The following DCBLD2 variants were observed in gnomAD, a reference collection of about 807,000 sequenced individuals.
The protein encoded by DCBLD2 is discoidin, CUB and LCCL domain containing 2, also known as discoidin, CUB and LCCL domain-containing protein 2.
A neutral mutation model predicts 86.8 loss-of-function variants in DCBLD2; 54 were observed. The observed-to-expected ratio is 0.62, with a 90% confidence interval of 0.50 to 0.78. DCBLD2 has a LOEUF of 0.78. Ranked by LOEUF, DCBLD2 falls within the 30% of genes least tolerant of loss-of-function variation. DCBLD2 has a pLI of 0.00. For synonymous variants in DCBLD2, 354 were observed against 341.3 expected, an observed-to-expected ratio of 1.04 and a Z score of -0.41; for missense variants, 908 against 954.2, an observed-to-expected ratio of 0.95 and a Z score of 0.64.
chr3:98,877,373 A>C (rs190892400), intron 2 of DCBLD2, among the ~76,000 whole-genome samples: 2 of 152,306 alleles, frequency 1.3e-5, no homozygotes, highest in Admixed American at 1.3e-4. Context: ...TTTCAGTTCG[A>C]GTCATGGGTT....
In DCBLD2 at chr3:98,865,794, TG is replaced by T. The variant is rs543252223; in HGVS notation, c.433+15745del. ...TGACATATGTATACATGTGACACGC[TG>T]GTGTGCTGCACCCATTAACTCGTCA... On this transcript the variant is annotated intron_variant, in intron 2 of 15. Coordinates refer to ENST00000326840, the MANE Select transcript of DCBLD2 (RefSeq NM_080927.4). 3.1e-3 allele frequency among the ~76,000 whole-genome samples: 470 copies of T among 152,282 alleles called. 2 individuals are homozygous for T. Among genetic ancestry groups the T allele is most frequent in the Non-Finnish European group, 5.1e-3 (347 of 68,016 alleles).
At chr3:98,838,330 C>T (rs1423489534) in intron 3 of DCBLD2, among the ~76,000 whole-genome samples, 1,840 of 64,662 alleles carry the variant, frequency 0.028, no homozygotes, top group East Asian at 0.1. Context: ...ACTTCTCAGA[C>T]GGGGCGGCCG....
At chr3:98,853,066 A>T (rs2439235) in intron 2 of DCBLD2, among the ~76,000 whole-genome samples, 147,968 of 152,286 alleles carry the variant, frequency 0.97, 72,047 homozygotes, top group East Asian at 1. Context: ...TAATTTATTA[A>T]GAAGCAAAGT....
chr3:98,893,334 G>A (rs1943696140), intron 1 of DCBLD2, among the ~76,000 whole-genome samples: 1 of 150,588 alleles, frequency 6.6e-6, no homozygotes, highest in Non-Finnish European at 1.5e-5. Context: ...TTAAATCCAG[G>A]TATGTCCAAG....
intron 2 of DCBLD2, among the ~76,000 whole-genome samples, chr3:98,866,501 A>C (rs890761742): frequency 2.6e-5 from 4 of 152,178 alleles, no homozygotes; most frequent in African/African-American, 9.7e-5. Flanking sequence ...GGCTGCATAA[A>C]TGTCTTCTTT....
intron 1 of DCBLD2, among the ~76,000 whole-genome samples, chr3:98,894,135 TAGTGACAGAC>T (rs767211313): frequency 1.3e-5 from 2 of 152,106 alleles, no homozygotes; most frequent in Non-Finnish European, 2.9e-5. Context: ...TAACCAAACC[TAGTGACAGAC>T]AAATGAACCA....
rs775847489 is a variant in DCBLD2, at chr3:98,881,626, C to T, written c.347G>A (p.Gly116Asp). Reference protein sequence around the residue: ...KMGERVRIKFGDFDIEDSDSC... With the variant: ...KMGERVRIKFDDFDIEDSDSC... Reference sequence around the variant, plus strand: ...ATCAGAATCTTCAATGTCAAAGTCACCAAATTTGATGCGAACTCTCTCTCC... The same window carrying T: ...ATCAGAATCTTCAATGTCAAAGTCATCAAATTTGATGCGAACTCTCTCTCC... Residue 116 changes from glycine to aspartate, a missense_variant, in exon 2 of 16, where the codon GGT (glycine) becomes GAT (aspartate). Physicochemically the swap from Gly to Asp is moderately conservative, Grantham distance 94 (BLOSUM62 -1). Coordinates refer to ENST00000326840, the MANE Select transcript of DCBLD2 (RefSeq NM_080927.4). The T allele has an allele frequency of 4.3e-6, 7 of 1,613,894 alleles. No individual in the cohort carries two copies. The highest frequency in any genetic ancestry group is 5.9e-6 in the Non-Finnish European group (7 of 1,179,866).
chr3:98,876,199 A>C (rs555822084), intron 2 of DCBLD2, among the ~76,000 whole-genome samples: 1 of 152,036 alleles, frequency 6.6e-6, no homozygotes, highest in African/African-American at 2.4e-5. Flanking sequence ...GATAATGAGA[A>C]GTCCTAAAAC....
rs1576152554 is a variant in DCBLD2, at chr3:98,801,591, G to GT, written c.1720+8dup. ...GATAGAAATGAGATGCAAAGACCAC[G>GT]TGAGTTACCTGCCCGGTCCCAGTAA... On this transcript the variant is annotated intron_variant, in intron 14 of 15. Coordinates refer to ENST00000326840, the MANE Select transcript of DCBLD2 (RefSeq NM_080927.4). 6.2e-7 allele frequency: 1 copy of GT among 1,607,502 alleles called. No individual in the cohort carries two copies. The highest frequency in any genetic ancestry group is 1.7e-4 in the Middle Eastern group (1 of 6,032).
chr3:98,836,861 C>G (rs555897971), intron 3 of DCBLD2, among the ~76,000 whole-genome samples: 2 of 35,080 alleles, frequency 5.7e-5, no homozygotes, highest in South Asian at 1.4e-3. Flanking sequence ...GGCGGCTGGC[C>G]GGGCGGGGGG....
intron 2 of DCBLD2, among the ~76,000 whole-genome samples, chr3:98,852,921 T>C (rs1055408157): frequency 6.6e-6 from 1 of 152,180 alleles, no homozygotes; most frequent in South Asian, 2.1e-4. Flanking sequence ...GAGAAACGTA[T>C]TCCCAGCTAA....
intron 2 of DCBLD2, among the ~76,000 whole-genome samples, chr3:98,855,598 C>T (rs1440356511): frequency 2.0e-5 from 3 of 152,136 alleles, no homozygotes; most frequent in Non-Finnish European, 4.4e-5. Context: ...TAAAACTATG[C>T]ATTTCTTTGA....
chr3:98,808,293 T>C, intron 12 of DCBLD2, 119 bp from the exon 13 acceptor site: 1 of 849,530 alleles, frequency 1.2e-6, no homozygotes. Context: ...GGAAATACCA[T>C]AAACATTATT....
chr3:98,806,231 A>G (rs138662012), intron 13 of DCBLD2, among the ~76,000 whole-genome samples: 1,538 of 152,330 alleles, frequency 0.01, 14 homozygotes, highest in Non-Finnish European at 0.016. Context: ...TATGCATTCC[A>G]TCTGTGTAGA....
In DCBLD2 at chr3:98,806,500, C is replaced by T. The variant is rs551196757; in HGVS notation, c.1670+1581G>A. On this transcript the variant is annotated intron_variant, in intron 13 of 15. Coordinates refer to ENST00000326840, the MANE Select transcript of DCBLD2 (RefSeq NM_080927.4). Reference sequence around the variant, plus strand: ...GTTCTCATACTAATTTGCTGTGTCTCTGCTTAGACAGCCTGTTCATGAAGC... The same window carrying T: ...GTTCTCATACTAATTTGCTGTGTCTTTGCTTAGACAGCCTGTTCATGAAGC... Among the ~76,000 whole-genome samples the T allele has an allele frequency of 2.6e-5, 4 of 152,208 alleles. No individual in the cohort carries two copies. The South Asian group carries it at 8.3e-4, about 32-fold the overall frequency.
Position 98,879,034 on chromosome 3 carries a change from C to T in DCBLD2, c.433+2506G>A, listed in dbSNP as rs557720317. ...TTGAAACCTGTGCTCAGAATCTTCC[C>T]CACGCCACTCTTCCACTCTACCAAC... On this transcript the variant is annotated intron_variant, in intron 2 of 15. Coordinates refer to ENST00000326840, the MANE Select transcript of DCBLD2 (RefSeq NM_080927.4). Among the ~76,000 whole-genome samples, 6 of 151,962 alleles carry T rather than the reference C, an allele frequency of 3.9e-5. No homozygotes were observed. The East Asian group carries it at 1.2e-3, about 30-fold the overall frequency.
chr3:98,877,603 T>C (rs1030979890), intron 2 of DCBLD2, among the ~76,000 whole-genome samples: 1 of 152,152 alleles, frequency 6.6e-6, no homozygotes, highest in African/African-American at 2.4e-5. Flanking sequence ...CAGGTACATG[T>C]ATATACATAT....
At chr3:98,836,566 A>T in intron 3 of DCBLD2, among the ~76,000 whole-genome samples, 1 of 150,860 alleles carries the variant, frequency 6.6e-6, no homozygotes, top group African/African-American at 2.4e-5. Context: ...TATTCCACAA[A>T]GCCGCCATTG....
chr3:98,800,711 A>G lies in DCBLD2; in HGVS notation c.1726T>C (p.Trp576Arg). Residue 576 changes from tryptophan to arginine, a missense_variant, in exon 15 of 16, where the codon TGG (tryptophan) becomes CGG (arginine). This residue lies in a region of DCBLD2 where 606 missense variants were observed against 678.5 expected (regional missense o/e 0.89). Transcript: ENST00000326840. Reference sequence around the variant, plus strand: ...GGAAGAAACTGCTTCATTCCTTTCCACCAACCTTCATTGTGACGGCAAGCC... The same window carrying G: ...GGAAGAAACTGCTTCATTCCTTTCCGCCAACCTTCATTGTGACGGCAAGCC... ...DLPYWDRAGW[W>R]KGMKQFLPAK... 6.2e-7 allele frequency: 1 copy of G among 1,613,934 alleles called. No individual in the cohort carries two copies. The highest frequency in any genetic ancestry group is 8.5e-7 in the Non-Finnish European group (1 of 1,179,852).
Sources: gnomAD v4.1 joint callset for allele counts (sites outside exome capture counted in the v4.1 genomes callset) on GRCh38, gnomAD v4.1.1 for gene constraint, gnomAD v4.1.1 regional missense constraint, MANE v1.5 for transcripts, NCBI Gene and HGNC (gene_info 2026-07-23, HGNC 2026-07-21) for gene names.